The following CFHR3 variants were observed in gnomAD, a reference collection of about 807,000 sequenced individuals.
The protein encoded by CFHR3 is complement factor H related 3.
In CFHR3, 22 loss-of-function variants were observed where a neutral mutation model predicts 36.0. The ratio of observed to expected loss-of-function variants is 0.61; its 90% CI spans 0.44 to 0.87. The LOEUF is 0.87. Ranked by LOEUF, CFHR3 falls within the 40% of genes least tolerant of loss-of-function variation. The pLI is 0.00. For synonymous variants in CFHR3, 97 were observed against 137.4 expected, an observed-to-expected ratio of 0.71 and a Z score of 2.06; for missense variants, 276 against 401.3, an observed-to-expected ratio of 0.69 and a Z score of 2.67.
chr1:196,775,455 A>G (rs1204652482), intron 1 of CFHR3, among the ~76,000 whole-genome samples: 1 of 137,182 alleles, frequency 7.3e-6, no homozygotes, highest in Non-Finnish European at 1.6e-5. Flanking sequence ...ATTAACATTA[A>G]TATCAACTTA....
chr1:196,779,328 T>G lies in CFHR3; in HGVS notation c.225T>G (p.Asn75Lys). 1 of 1,527,092 alleles carries G rather than the reference T, an allele frequency of 6.5e-7. No homozygotes were observed. The highest frequency in any genetic ancestry group is 8.9e-7 in the Non-Finnish European group (1 of 1,128,120). The allele number at this position is 1,527,092 out of a possible 1,614,324, so 94.6% of individuals were successfully genotyped here. The change falls in exon 2 of 6, where the codon AAT becomes AAG. Residue 75 changes from asparagine to lysine, a missense_variant. Physicochemically the swap from Asn to Lys is moderately conservative, Grantham distance 94. Coordinates refer to ENST00000367425, the MANE Select transcript of CFHR3 (RefSeq NM_021023.6). ...SYWDYIHCTQ[N>K]GWSPAVPCLR... ...GGGATTACATTCATTGCACACAAAA[T>G]GGGTGGTCACCAGCAGTACCATGTC... is the stretch of plus-strand genomic sequence containing the variant.
At chr1:196,787,993 A>T (rs1486305729) in intron 3 of CFHR3, among the ~76,000 whole-genome samples, 1 of 137,116 alleles carries the variant, frequency 7.3e-6, no homozygotes, top group Non-Finnish European at 1.5e-5. Context: ...AGTCTCAAGG[A>T]TTCTTTGCTT....
intron 1 of CFHR3, 100 bp from the exon 2 acceptor site, chr1:196,779,062 C>T: frequency 1.0e-6 from 1 of 968,450 alleles, no homozygotes; most frequent in East Asian, 2.6e-5. Context: ...TGTAATTCCA[C>T]AAGAAAATGT....
Position 196,793,438 on chromosome 1 carries a change from T to A in CFHR3, c.918T>A (p.Tyr306Ter), listed in dbSNP as rs772257334. The change falls in exon 6 of 6, where the codon TAT becomes TAA. Residue 306 changes from tyrosine to a stop codon, truncating the protein, a stop_gained. Transcript: ENST00000367425. LOFTEE classifies it low-confidence loss of function (END_TRUNC). ...TTGAATTTATGTGTAAATTGGGATA[T>A]AATGCAAATACATCAATTCTATCAT... ...DTIEFMCKLGYNANTSILSFQ... is the reference protein window; with the variant it reads ...DTIEFMCKLG 6 of 1,527,240 alleles carry A rather than the reference T, an allele frequency of 3.9e-6. 2 individuals carry two copies. The highest frequency in any genetic ancestry group is 3.7e-4 in the Middle Eastern group (2 of 5,348). 94.6% of individuals were successfully genotyped at this position (1,527,240 alleles called of 1,614,324 possible). A position where few individuals can be genotyped will look rare whatever the true frequency, so the allele number is the denominator to read the frequency against.
At chr1:196,785,121 G>C (rs2124853120) in intron 3 of CFHR3, among the ~76,000 whole-genome samples, 1 of 136,716 alleles carries the variant, frequency 7.3e-6, no homozygotes, top group East Asian at 2.0e-4. Context: ...TAAGAATGTT[G>C]AATATTGGCC....
intron 1 of CFHR3, among the ~76,000 whole-genome samples, chr1:196,777,365 TG>T (rs1217844727): frequency 7.3e-6 from 1 of 137,096 alleles, no homozygotes; most frequent in African/African-American, 3.0e-5. Flanking sequence ...CAATTAGTAA[TG>T]TAGAGTAGGG....
At chr1:196,782,119 G>A (rs1174937726) in intron 3 of CFHR3, among the ~76,000 whole-genome samples, 4 of 136,688 alleles carry the variant, frequency 2.9e-5, no homozygotes, top group Non-Finnish European at 6.2e-5. Context: ...TTGTAGATAT[G>A]CAGCGTTATT....
At chr1:196,790,480 A>G (rs1444978624) in intron 5 of CFHR3, among the ~76,000 whole-genome samples, 6 of 135,048 alleles carry the variant, frequency 4.4e-5, no homozygotes, top group Non-Finnish European at 7.8e-5. Context: ...TAGTCCCAGC[A>G]CTTTGGAAGG....
chr1:196,779,216 T>C lies in CFHR3; in HGVS notation c.113T>C (p.Met38Thr). ...IKHGGLFHENMRRPYFPVAVG... is the reference protein window; with the variant it reads ...IKHGGLFHENTRRPYFPVAVG... ...CATGGAGGTCTATTTCATGAGAATA[T>C]GCGTAGACCATACTTTCCAGTAGCT... is the stretch of plus-strand genomic sequence containing the variant. The change falls in exon 2 of 6, where the codon ATG becomes ACG. Residue 38 changes from methionine (M) to threonine (T), a missense_variant. Met to Thr is a moderately conservative substitution (Grantham distance 81). Transcript: ENST00000367425. The C allele has an allele frequency of 6.5e-7, 1 of 1,530,242 alleles. No homozygotes were observed. Among genetic ancestry groups the C allele is most frequent in the Non-Finnish European group, 8.8e-7 (1 of 1,130,474 alleles). 94.8% of individuals were successfully genotyped at this position (1,530,242 alleles called of 1,614,324 possible).
chr1:196,780,668 A>T (rs1367849305), intron 3 of CFHR3, among the ~76,000 whole-genome samples: 1 of 136,548 alleles, frequency 7.3e-6, no homozygotes, highest in Admixed American at 7.1e-5. Flanking sequence ...TCTTTTAATT[A>T]TATGTAATGC....
intron 1 of CFHR3, among the ~76,000 whole-genome samples, chr1:196,775,592 C>G (rs1653679071): frequency 7.3e-6 from 1 of 136,850 alleles, no homozygotes; most frequent in South Asian, 2.5e-4. Flanking sequence ...AGTAAATATA[C>G]AGAAAATACT....
Position 196,793,654 on chromosome 1 carries a change from A to T in CFHR3, c.*141A>T. Reference sequence around the variant, plus strand: ...AAAGAAAATTAATATAATAGTTTCAATTTGCAACTTAATATATTCTCAAAA... The same window carrying T: ...AAAGAAAATTAATATAATAGTTTCATTTTGCAACTTAATATATTCTCAAAA... On this transcript the variant is annotated 3_prime_UTR_variant, in exon 6 of 6. Coordinates refer to ENST00000367425, the MANE Select transcript of CFHR3 (RefSeq NM_021023.6). 1 of 797,148 alleles carries T rather than the reference A, an allele frequency of 1.3e-6. No homozygotes were observed. Among genetic ancestry groups the T allele is most frequent in the Non-Finnish European group, 1.9e-6 (1 of 530,540 alleles). 49.4% of individuals were successfully genotyped at this position (797,148 alleles called of 1,614,324 possible).
chr1:196,783,677 A>T lies in CFHR3; in HGVS notation c.430+3704A>T, dbSNP rs1340167353. ...CCCTTTATCATTTTTTATTGTGTCT[A>T]TTTGATTCATCTCTCTTTTTTTCTT... is the stretch of plus-strand genomic sequence containing the variant. On this transcript the variant is annotated intron_variant, in intron 3 of 5. Transcript: ENST00000367425. 6.7e-5 allele frequency among the ~76,000 whole-genome samples: 9 copies of T among 135,032 alleles called. 1 individual carries two copies. Among genetic ancestry groups the T allele is most frequent in the African/African-American group, 2.5e-4 (8 of 31,832 alleles). 88.6% of individuals were successfully genotyped at this position (135,032 alleles called of 152,430 possible). A position where few individuals can be genotyped will look rare whatever the true frequency, so the allele number is the denominator to read the frequency against.
rs749296540 is a variant in CFHR3 at position 196,774,869 on chromosome 1, C to G, written c.-18C>G. ...CAACTGAAACTTTTGTATTAGCATACTACTGAGAATATCTAACATGTTGTT... is the reference window on the plus strand; with the variant it reads ...CAACTGAAACTTTTGTATTAGCATAGTACTGAGAATATCTAACATGTTGTT... On this transcript the variant is annotated 5_prime_UTR_variant, in exon 1 of 6. Coordinates refer to ENST00000367425, the MANE Select transcript of CFHR3 (RefSeq NM_021023.6). 31 of 1,512,870 alleles carry G rather than the reference C, an allele frequency of 2.0e-5. 5 individuals carry two copies. Among genetic ancestry groups the G allele is most frequent in the Non-Finnish European group, 2.7e-5 (30 of 1,115,944 alleles). 93.7% of individuals were successfully genotyped at this position (1,512,870 alleles called of 1,614,324 possible).
chr1:196,789,953 A>T, intron 4 of CFHR3, 92 bp from the exon 5 acceptor site: 1 of 1,225,332 alleles, frequency 8.2e-7, no homozygotes, highest in Non-Finnish European at 1.1e-6. Context: ...GAAATCAAAT[A>T]AGATACAGTT....
chr1:196,788,185 T>C lies in CFHR3; in HGVS notation c.431-31T>C, dbSNP rs1318011921. 2.0e-5 allele frequency: 28 copies of C among 1,422,816 alleles called. 5 individuals carry two copies. The highest frequency in any genetic ancestry group is 2.6e-5 in the Non-Finnish European group (28 of 1,060,206). The allele number at this position is 1,422,816 out of a possible 1,614,324, so 88.1% of individuals were successfully genotyped here. A position where few individuals can be genotyped will look rare whatever the true frequency, so the allele number is the denominator to read the frequency against. ...CTATAAAAGAACTATTCAACTAATATTTACTTTTTTCTTGACTTTTTCTAT... is the reference window on the plus strand; with the variant it reads ...CTATAAAAGAACTATTCAACTAATACTTACTTTTTTCTTGACTTTTTCTAT... On this transcript the variant is annotated intron_variant, in intron 3 of 5. Transcript: ENST00000367425.
At chr1:196,784,562 C>T (rs1252765200) in intron 3 of CFHR3, among the ~76,000 whole-genome samples, 2 of 135,958 alleles carry the variant, frequency 1.5e-5, no homozygotes, top group Non-Finnish European at 3.1e-5. Context: ...ATGTAATGGC[C>T]TTCTTTGTCT....
At chr1:196,778,042 G>A (rs114100584) in intron 1 of CFHR3, among the ~76,000 whole-genome samples, 9,083 of 129,596 alleles carry the variant, frequency 0.07, 1,559 homozygotes, top group Non-Finnish European at 0.099. Context: ...TTTAATATAT[G>A]TCCCTTTCTT....
intron 3 of CFHR3, among the ~76,000 whole-genome samples, chr1:196,781,008 G>A (rs1653926932): frequency 9.5e-6 from 1 of 105,200 alleles, no homozygotes; most frequent in South Asian, 3.8e-4. Context: ...GTGTCCATGT[G>A]TTCTCGTTGT....
Sources: gnomAD v4.1 joint callset for allele counts (sites outside exome capture counted in the v4.1 genomes callset) on GRCh38, gnomAD v4.1.1 for gene constraint, MANE v1.5 for transcripts, NCBI Gene and HGNC (gene_info 2026-07-23, HGNC 2026-07-21) for gene names.